TRPV2: variants seen among roughly 807,000 people sequenced by gnomAD.
The protein encoded by TRPV2 is transient receptor potential cation channel subfamily V member 2.
TRPV2 carries 58 observed loss-of-function variants against 91.0 expected under a neutral mutation model. The observed-to-expected ratio is 0.64, with a 90% CI of 0.52 to 0.79. TRPV2 has a LOEUF of 0.79. TRPV2 is among the 30% of genes least tolerant of loss of function. TRPV2 has a pLI of 0.00. For missense variants in TRPV2, 807 were observed against 969.6 expected, an observed-to-expected ratio of 0.83 and a Z score of 2.23; for synonymous variants, 417 against 414.8, an observed-to-expected ratio of 1.01 and a Z score of -0.06.
chr17:16,422,552 C>T lies in TRPV2; in HGVS notation c.335-47C>T, dbSNP rs761062593. The stretch of plus-strand genomic sequence containing the variant: ...AGAGCTATCGGGCAGCCCAGCCACT[C>T]CAGGTCTCAGCACCACTGTGCCCCT... On this transcript the variant is annotated intron_variant, in intron 3 of 14. Transcript: ENST00000338560. The T allele has an allele frequency of 5.7e-6, 9 of 1,582,652 alleles. No individual in the cohort carries two copies. In the South Asian group the frequency reaches 8.2e-5, roughly 14 times the overall value.
chr17:16,428,758 A>G (rs34166276), intron 9 of TRPV2, 59 bp from the exon 10 acceptor site: 398,166 of 1,603,566 alleles, frequency 0.25, 53,222 homozygotes, highest in Non-Finnish European at 0.28. Context: ...AGCATAGGCC[A>G]GTGGGGGCTC....
In TRPV2 at chr17:16,420,121, G is replaced by A. The variant is rs775610339; in HGVS notation, c.207G>A (p.Pro69=). Residue 69 remains proline (P), a synonymous_variant, in exon 3 of 15, where the codon CCG becomes CCA. Transcript: ENST00000338560. ...CAAACCACATCCTCCACAGTCAGCC[G>A]GATCCAAACCGATTTGACCGAGATC... The part of the protein sequence containing the change: ...NYRKGTGASQ[P]DPNRFDRDRL... The A allele has an allele frequency of 1.6e-5, 25 of 1,612,544 alleles. No homozygotes were observed. In the Admixed American group the frequency reaches 2.3e-4, roughly 15 times the overall value.
intron 3 of TRPV2, among the ~76,000 whole-genome samples, chr17:16,422,070 C>T (rs1371041313): frequency 6.6e-6 from 1 of 151,290 alleles, no homozygotes; most frequent in African/African-American, 2.4e-5. Flanking sequence ...TTTGGGAGGC[C>T]GAGGTGGGCA....
chr17:16,418,892 G>A (rs1236816743), intron 2 of TRPV2, among the ~76,000 whole-genome samples: 1 of 152,098 alleles, frequency 6.6e-6, no homozygotes, highest in Admixed American at 6.6e-5. Context: ...AAGGAGGGCT[G>A]GCTGTAATTA....
chr17:16,420,483 C>A (rs1401292721), intron 3 of TRPV2, among the ~76,000 whole-genome samples: 2 of 152,224 alleles, frequency 1.3e-5, no homozygotes, highest in African/African-American at 4.8e-5. Flanking sequence ...ACCTCTGTCA[C>A]CCCTAGCCCA....
At chr17:16,417,538 C>T in intron 1 of TRPV2, 24 bp from the exon 2 acceptor site, 1 of 969,962 alleles carries the variant, frequency 1.0e-6, no homozygotes. Context: ...GCCTTTTGCA[C>T]TAACCTAATA....
Position 16,426,775 on chromosome 17 carries a change from A to T in TRPV2, c.1149A>T (p.Lys383Asn). The stretch of plus-strand genomic sequence containing the variant: ...CCCTGAACAAACTGCTGCAGGCGAA[A>T]TGGGATCTGCTCATCCCCAAGTTCT... ...LEPLNKLLQAKWDLLIPKFFL... is the reference protein window; with the variant it reads ...LEPLNKLLQANWDLLIPKFFL... Residue 383 changes from lysine to asparagine, a missense_variant, in exon 7 of 15, where the codon AAA becomes AAT. Coordinates refer to ENST00000338560, the MANE Select transcript of TRPV2 (RefSeq NM_016113.5). This position sits in a 1 kb window ranked among gnomAD's most constrained non-coding sequence, Gnocchi z 6.0. 6.2e-7 allele frequency: 1 copy of T among 1,614,064 alleles called. No homozygotes were observed. Among genetic ancestry groups the T allele is most frequent in the Non-Finnish European group, 8.5e-7 (1 of 1,180,004 alleles).
rs909037431 is a variant in TRPV2, at chr17:16,435,217, G to T, written c.2194+248G>T. On this transcript the variant is annotated intron_variant, in intron 14 of 14. Transcript: ENST00000338560. This position sits in a 1 kb window ranked among gnomAD's most constrained non-coding sequence, Gnocchi z 4.2. ...TCTGAGGCTGTTAGCGCTTCCACCAGCCCAGCCTCTGGCTGCCCTCTCTCT... is the reference window on the plus strand; with the variant it reads ...TCTGAGGCTGTTAGCGCTTCCACCATCCCAGCCTCTGGCTGCCCTCTCTCT... 4.6e-5 allele frequency among the ~76,000 whole-genome samples: 7 copies of T among 152,112 alleles called. No individual in the cohort carries two copies. Among genetic ancestry groups the T allele is most frequent in the Non-Finnish European group, 1.0e-4 (7 of 68,012 alleles).
chr17:16,423,954 C>T (rs985004467), intron 5 of TRPV2, among the ~76,000 whole-genome samples, 187 bp downstream of exon 5: 2 of 152,162 alleles, frequency 1.3e-5, no homozygotes, highest in South Asian at 4.1e-4. Flanking sequence ...TTATAAATTG[C>T]ATATGAACTA....
chr17:16,417,972 C>A, intron 2 of TRPV2, 104 bp downstream of exon 2: 1 of 1,172,846 alleles, frequency 8.5e-7, no homozygotes, highest in Non-Finnish European at 1.2e-6. Flanking sequence ...TGCCCCTTCC[C>A]ACAGCCTGTG....
chr17:16,433,293 C>A, intron 12 of TRPV2: 2 of 337,224 alleles, frequency 5.9e-6, no homozygotes, highest in African/African-American at 2.1e-5. Flanking sequence ...GATGTAAGAG[C>A]AAGTAGCTGT....
intron 10 of TRPV2, among the ~76,000 whole-genome samples, chr17:16,431,279 ATATATATACATATTTTT>A (rs1223651261): frequency 5.3e-5 from 4 of 74,990 alleles, no homozygotes; most frequent in African/African-American, 2.3e-4. Context: ...ATATATATAT[ATATATATACATATTTTT>A]TTTTTTTTTT....
chr17:16,423,669 G>T lies in TRPV2; in HGVS notation c.826G>T (p.Ala276Ser). 2 of 1,614,130 alleles carry T rather than the reference G, an allele frequency of 1.2e-6. No individual in the cohort carries two copies. The highest frequency in any genetic ancestry group is 1.7e-6 in the Non-Finnish European group (2 of 1,180,024). ...CAGCATGTATGATGGGCTCCTCCAA[G>T]CTGGGGCCCGCCTCTGCCCTACCGT... ...VTSMYDGLLQ[A>S]GARLCPTVQL... The change falls in exon 5 of 15, where the codon GCT (alanine) becomes TCT (serine). Residue 276 changes from alanine to serine, a missense_variant. Ala to Ser is a moderately conservative substitution (Grantham distance 99). Transcript: ENST00000338560.
intron 2 of TRPV2, 26 bp downstream of exon 2, chr17:16,417,894 A>C (rs755444867): frequency 1.3e-5 from 21 of 1,606,804 alleles, no homozygotes; most frequent in Non-Finnish European, 1.8e-5. Context: ...GGGGCAGGGC[A>C]AAGGGGGCCC....
chr17:16,427,083 G>A (rs145149817), intron 7 of TRPV2, among the ~76,000 whole-genome samples: 35 of 152,294 alleles, frequency 2.3e-4, no homozygotes, highest in Admixed American at 5.9e-4. Context: ...TCTAGGTGAT[G>A]GACATGTGTT....
chr17:16,420,376 T>G, intron 3 of TRPV2, 128 bp downstream of exon 3: 1 of 1,204,630 alleles, frequency 8.3e-7, no homozygotes, highest in Non-Finnish European at 1.2e-6. Context: ...ACTGGAAGGA[T>G]GGCTGGGGGG....
intron 3 of TRPV2, among the ~76,000 whole-genome samples, chr17:16,421,970 C>G (rs73287059): frequency 0.074 from 11,186 of 152,046 alleles, 1,346 homozygotes; most frequent in African/African-American, 0.25. Context: ...GAATGTTCTG[C>G]TGTAGACAGC....
chr17:16,431,283 ATATACATATTTTTTTTT>A (rs1332537292), intron 10 of TRPV2, among the ~76,000 whole-genome samples: 1 of 51,284 alleles, frequency 1.9e-5, no homozygotes, highest in Non-Finnish European at 4.0e-5. Flanking sequence ...ATATATATAT[ATATACATATTTTTTTTT>A]TTTTTTTTTT....
chr17:16,433,467 T>C (rs1423650825), intron 12 of TRPV2, 107 bp from the exon 13 acceptor site: 1 of 1,487,254 alleles, frequency 6.7e-7, no homozygotes, highest in East Asian at 2.3e-5. Flanking sequence ...GACTTCGCGT[T>C]ATACTGTGAA....
Sources: gnomAD v4.1 joint callset for allele counts (sites outside exome capture counted in the v4.1 genomes callset) on GRCh38, gnomAD v4.1.1 for gene constraint, Gnocchi (gnomAD v3.1) non-coding constraint, MANE v1.5 for transcripts, NCBI Gene and HGNC (gene_info 2026-07-23, HGNC 2026-07-21) for gene names.